The following PCDH18 variants were observed in gnomAD, a reference collection of about 807,000 sequenced individuals.
PCDH18 encodes protocadherin-18.
Under a neutral mutation model 71.5 loss-of-function variants are expected in PCDH18, and 38 were observed. The observed-to-expected ratio is 0.53, with a 90% CI of 0.41 to 0.70. PCDH18 has a LOEUF of 0.70. Among genes scored for constraint, PCDH18 ranks in the 30% least tolerant of loss-of-function variants. The pLI, the probability that PCDH18 is intolerant of heterozygous loss-of-function variation, is 0.00. For missense variants in PCDH18, 1,334 were observed against 1,384.6 expected, an observed-to-expected ratio of 0.96 and a Z score of 0.58; for synonymous variants, 565 against 505.4, an observed-to-expected ratio of 1.12 and a Z score of -1.58.
chr4:137,522,342 T>C (rs961249902), intron 3 of PCDH18, among the ~76,000 whole-genome samples: 5 of 152,130 alleles, frequency 3.3e-5, no homozygotes, highest in Admixed American at 2.6e-4. Context: ...ATGTGAAAAA[T>C]GTCATCAAAA....
In PCDH18 at chr4:137,521,678, T is replaced by C; in HGVS notation, c.2759A>G (p.Glu920Gly). Residue 920 changes from glutamate (E) to glycine (G), a missense_variant, in exon 4 of 4, where the codon GAG becomes GGG. Physicochemically the swap from Glu to Gly is moderately conservative, Grantham distance 98. Coordinates refer to ENST00000344876, the MANE Select transcript of PCDH18 (RefSeq NM_019035.5). The part of the protein sequence containing the change: ...RIPAAMRLCT[E>G]ECRVLGHSDQ... ...AGAGTGTCCCAGGACCCTGCACTCC[T>C]CCGTGCAGAGTCTCATAGCTGCACT... 6.2e-7 allele frequency: 1 copy of C among 1,606,228 alleles called. No individual in the cohort carries two copies. Among genetic ancestry groups the C allele is most frequent in the Non-Finnish European group, 8.5e-7 (1 of 1,177,686 alleles).
chr4:137,521,744 T>C, intron 3 of PCDH18, 48 bp from the exon 4 acceptor site: 1 of 1,398,790 alleles, frequency 7.1e-7, no homozygotes, highest in Non-Finnish European at 9.7e-7. Flanking sequence ...CTTAGCACGA[T>C]TCAAAATGAT....
intron 3 of PCDH18, among the ~76,000 whole-genome samples, chr4:137,527,609 G>A (rs1731512168): frequency 6.6e-6 from 1 of 151,830 alleles, no homozygotes; most frequent in East Asian, 1.9e-4. Flanking sequence ...TAAGATGGGT[G>A]ATATTGTGTT....
At position 137,520,937 on chromosome 4, in the gene PCDH18, TTTG is replaced by T; in HGVS notation, c.*89_*91del. ...GACACATTTATGATAAATGCAACTATTTGGCAATGCCAGTTCTTTCAGGGTTTT... is the reference window on the plus strand; with the variant it reads ...GACACATTTATGATAAATGCAACTATGCAATGCCAGTTCTTTCAGGGTTTT... On this transcript the variant is annotated 3_prime_UTR_variant, in exon 4 of 4. Transcript: ENST00000344876. 2.4e-6 allele frequency: 2 copies of T among 830,556 alleles called. No individual in the cohort carries two copies. The highest frequency in any genetic ancestry group is 3.8e-6 in the Non-Finnish European group (2 of 520,694). 51.4% of individuals were successfully genotyped at this position (830,556 alleles called of 1,614,324 possible). A position where few individuals can be genotyped will look rare whatever the true frequency, so the allele number is the denominator to read the frequency against.
intron 3 of PCDH18, among the ~76,000 whole-genome samples, chr4:137,526,088 C>A (rs915034888): frequency 6.6e-6 from 1 of 151,310 alleles, no homozygotes; most frequent in Non-Finnish European, 1.5e-5. Context: ...AGAAAACTTT[C>A]TTGCCACAAA....
At chr4:137,529,497 A>G (rs1461631188) in intron 1 of PCDH18, 105 bp downstream of exon 1, 1 of 734,714 alleles carries the variant, frequency 1.4e-6, no homozygotes, top group South Asian at 1.9e-5. Flanking sequence ...TTTGCACAGT[A>G]TTAGTATTGT....
chr4:137,523,699 A>C (rs1448896884), intron 3 of PCDH18, among the ~76,000 whole-genome samples: 1 of 152,156 alleles, frequency 6.6e-6, no homozygotes, highest in Non-Finnish European at 1.5e-5. Flanking sequence ...AGTTTTCTAA[A>C]GACCTAAATA....
chr4:137,520,142 C>T lies in PCDH18; in HGVS notation c.*887G>A, dbSNP rs1452367199. On this transcript the variant is annotated 3_prime_UTR_variant, in exon 4 of 4. Coordinates refer to ENST00000344876, the MANE Select transcript of PCDH18 (RefSeq NM_019035.5). ...TTTACTACCTTAGGAGAGACACTGA[C>T]ACAACTGTTTTTATCCAGTAATATT... 1 of 152,552 alleles carries T rather than the reference C, an allele frequency of 6.6e-6. No individual in the cohort carries two copies. The highest frequency in any genetic ancestry group is 1.5e-5 in the Non-Finnish European group (1 of 68,028). The allele number at this position is 152,552 out of a possible 1,614,324, so 9.4% of individuals were successfully genotyped here. A position where few individuals can be genotyped will look rare whatever the true frequency, so the allele number is the denominator to read the frequency against.
chr4:137,520,991 C>A lies in PCDH18; in HGVS notation c.*38G>T, dbSNP rs932574715. On this transcript the variant is annotated 3_prime_UTR_variant, in exon 4 of 4. Coordinates refer to ENST00000344876, the MANE Select transcript of PCDH18 (RefSeq NM_019035.5). ...TTGTTGTTGTTGTTGTTCCCTATTT[C>A]CATATACATGGAAACAAAAATGCTT... 5 of 1,458,222 alleles carry A rather than the reference C, an allele frequency of 3.4e-6. No individual in the cohort carries two copies. The highest frequency in any genetic ancestry group is 4.7e-6 in the Non-Finnish European group (5 of 1,075,078). The allele number at this position is 1,458,222 out of a possible 1,614,324, so 90.3% of individuals were successfully genotyped here.
chr4:137,530,538 A>G lies in PCDH18; in HGVS notation c.1551T>C (p.Tyr517=). 3.1e-6 allele frequency: 5 copies of G among 1,613,996 alleles called. No individual in the cohort carries two copies. The highest frequency in any genetic ancestry group is 4.2e-6 in the Non-Finnish European group (5 of 1,179,922). ...SFILGSSITT[Y]VTIDPSNGAI... ...CTCCATTAGATGGGTCAATGGTTAC[A>G]TATGTAGTTATGGAACTTCCTAGAA... Residue 517 remains tyrosine, a synonymous_variant, in exon 1 of 4, where the codon TAT becomes TAC. Transcript: ENST00000344876.
Position 137,531,084 on chromosome 4 carries a change from T to A in PCDH18, c.1005A>T (p.Pro335=). ...QAQDLGPNSI[P]AHCKIIIKVV... ...CCTTAATTATAATTTTGCAATGGGC[T>A]GGGATTGAATTTGGACCCAAATCTT... Residue 335 remains proline (P), a synonymous_variant, in exon 1 of 4, where the codon CCA becomes CCT. Transcript: ENST00000344876. 1 of 1,613,588 alleles carries A rather than the reference T, an allele frequency of 6.2e-7. No individual in the cohort carries two copies. Among genetic ancestry groups the A allele is most frequent in the East Asian group, 2.2e-5 (1 of 44,838 alleles).
intron 3 of PCDH18, among the ~76,000 whole-genome samples, chr4:137,522,570 T>G (rs961784843): frequency 1.3e-5 from 2 of 152,236 alleles, no homozygotes; most frequent in South Asian, 4.1e-4. Context: ...ACCATTGACT[T>G]ATTTCAGTGA....
Position 137,531,433 on chromosome 4 carries a change from G to A in PCDH18, c.656C>T (p.Ser219Leu), listed in dbSNP as rs1373650094. The A allele has an allele frequency of 1.2e-6, 2 of 1,613,334 alleles. No individual in the cohort carries two copies. Among genetic ancestry groups the A allele is most frequent in the Admixed American group, 3.3e-5 (2 of 59,914 alleles). ...KSSYELQLTA[S>L]DMGVPQRSGS... is the part of the protein sequence containing the mutation. ...AGACCTCTGAGGTACTCCCATGTCT[G>A]AGGCAGTGAGCTGAAGCTCGTAGCT... Residue 219 changes from serine (S) to leucine (L), a missense_variant, in exon 1 of 4, where the codon TCA becomes TTA. Transcript: ENST00000344876.
intron 3 of PCDH18, among the ~76,000 whole-genome samples, chr4:137,524,253 G>C (rs1252600414): frequency 2.0e-5 from 3 of 152,140 alleles, no homozygotes; most frequent in African/African-American, 7.2e-5. Flanking sequence ...TCACTGCACT[G>C]CACCTTATTG....
intron 3 of PCDH18, among the ~76,000 whole-genome samples, chr4:137,526,407 T>G: frequency 6.6e-6 from 1 of 152,258 alleles, no homozygotes; most frequent in Non-Finnish European, 1.5e-5. Flanking sequence ...AATCAAGGAT[T>G]AATACTCAAA....
chr4:137,519,313 G>A lies in PCDH18; in HGVS notation c.*1716C>T, dbSNP rs900787291. On this transcript the variant is annotated 3_prime_UTR_variant, in exon 4 of 4. Transcript: ENST00000344876. ...TTTCAATTCCTGACTAGCAAGCCAGGGACGATAATATTCTTGCCTCCTGGA... is the reference window on the plus strand; with the variant it reads ...TTTCAATTCCTGACTAGCAAGCCAGAGACGATAATATTCTTGCCTCCTGGA... 7.2e-5 allele frequency: 11 copies of A among 152,032 alleles called. No homozygotes were observed. The highest frequency in any genetic ancestry group is 3.2e-3 in the Middle Eastern group (1 of 316). 9.4% of individuals were successfully genotyped at this position (152,032 alleles called of 1,614,324 possible). A position where few individuals can be genotyped will look rare whatever the true frequency, so the allele number is the denominator to read the frequency against.
intron 3 of PCDH18, 28 bp from the exon 4 acceptor site, chr4:137,521,724 C>T (rs1268656016): frequency 6.6e-7 from 1 of 1,521,370 alleles, no homozygotes; most frequent in East Asian, 2.3e-5. Context: ...AGTGGGGATT[C>T]ATTATTATAC....
rs973567631 is a variant in PCDH18, at chr4:137,520,822, G to A, written c.*207C>T. The stretch of plus-strand genomic sequence containing the variant: ...TTGTTAAATTACACATAAATATAAG[G>A]TACAAATGTATTTTTAAAATACAGA... On this transcript the variant is annotated 3_prime_UTR_variant, in exon 4 of 4. Transcript: ENST00000344876. The A allele has an allele frequency of 2.1e-5, 10 of 474,010 alleles. No individual in the cohort carries two copies. Among genetic ancestry groups the A allele is most frequent in the Admixed American group, 1.1e-4 (3 of 26,330 alleles). The allele number at this position is 474,010 out of a possible 1,614,324, so 29.4% of individuals were successfully genotyped here. A position where few individuals can be genotyped will look rare whatever the true frequency, so the allele number is the denominator to read the frequency against.
In PCDH18 at chr4:137,531,822, C is replaced by T. The variant is rs199965009; in HGVS notation, c.267G>A (p.Gly89=). The change falls in exon 1 of 4, where the codon GGG becomes GGA. Residue 89 remains glycine, a synonymous_variant. Coordinates refer to ENST00000344876, the MANE Select transcript of PCDH18 (RefSeq NM_019035.5). ...ACAGTTGTTCACGGTCAATTGTAGC[C>T]CCTATGCTGATTTCCCCATTATCCT... ...VNEDNGEISI[G]ATIDREQLCQ... is the part of the protein sequence containing the mutation. The T allele has an allele frequency of 6.2e-7, 1 of 1,614,082 alleles. No individual in the cohort carries two copies. Among genetic ancestry groups the T allele is most frequent in the Non-Finnish European group, 8.5e-7 (1 of 1,180,018 alleles).
Sources: allele counts gnomAD v4.1 joint callset (sites outside exome capture counted in the v4.1 genomes callset), GRCh38; gene constraint gnomAD v4.1.1; transcripts MANE v1.5; gene names NCBI Gene and HGNC (gene_info 2026-07-23, HGNC 2026-07-21).